Variants in ZC3H3 observed in about 807,000 individuals in gnomAD.
ZC3H3 encodes zinc finger CCCH domain-containing protein 3.
ZC3H3 carries 36 observed loss-of-function variants against 77.3 expected under a neutral mutation model. That is an observed-to-expected ratio of 0.47 (90% CI 0.36 to 0.61). The LOEUF (loss-of-function observed/expected upper bound fraction) is 0.61. Among genes scored for constraint, ZC3H3 ranks in the 20% least tolerant of loss-of-function variants. The pLI, the probability that ZC3H3 is intolerant of heterozygous loss-of-function variation, is 0.00. For synonymous variants in ZC3H3, 626 were observed against 555.2 expected (o/e 1.13, Z -1.79); for missense variants, 1,331 against 1,312.2 (o/e 1.01, Z -0.22).
rs753500186 is a variant in ZC3H3, at chr8:143,538,347, G to A, written c.1020C>T (p.Ala340=). Reference sequence around the variant, plus strand: ...CCACCTTGTTTGCCATGCCAGCAGAGGCCTTGCACACATTCTCTGCAGCCA... The same window carrying A: ...CCACCTTGTTTGCCATGCCAGCAGAAGCCTTGCACACATTCTCTGCAGCCA... ...PRVAAENVCK[A]SAGMANKVEK... Residue 340 remains alanine, a synonymous_variant, in exon 2 of 12, where the codon GCC becomes GCT. Transcript: ENST00000262577. 4 of 1,612,908 alleles carry A rather than the reference G, an allele frequency of 2.5e-6. No individual in the cohort carries two copies. The African/African-American group carries it at 5.3e-5, about 22-fold the overall frequency.
At chr8:143,456,262 T>C (rs530471837) in intron 9 of ZC3H3, among the ~76,000 whole-genome samples, 2 of 152,130 alleles carry the variant, frequency 1.3e-5, no homozygotes, top group African/African-American at 2.4e-5. Flanking sequence ...AAAGAACTAA[T>C]AGAAAACAAA....
At chr8:143,439,864 CCA>C (rs1308868459) in intron 11 of ZC3H3, among the ~76,000 whole-genome samples, 175 bp downstream of exon 11, 3 of 115,314 alleles carry the variant, frequency 2.6e-5, no homozygotes, top group Non-Finnish European at 4.0e-5. Context: ...CTGAGCCAGG[CCA>C]TGCTGCCTAC....
Position 143,465,761 on chromosome 8 carries a change from C to T in ZC3H3, c.2263G>A (p.Val755Ile). The T allele has an allele frequency of 6.2e-7, 1 of 1,613,976 alleles. No individual in the cohort carries two copies. Among genetic ancestry groups the T allele is most frequent in the Non-Finnish European group, 8.5e-7 (1 of 1,180,010 alleles). The change falls in exon 9 of 12, where the codon GTC becomes ATC. Residue 755 changes from valine (V) to isoleucine (I), a missense_variant. Transcript: ENST00000262577. ...TAGCCTTTGAGGAAGTCGCTGCAGA[C>T]CTCGGCCTTGCGGGACACGTACACG... is the stretch of plus-strand genomic sequence containing the variant. ...SHVYVSRKAE[V>I]CSDFLKGYCP...
In ZC3H3 at chr8:143,468,280, T is replaced by A; in HGVS notation, c.2106-2A>T. The A allele has an allele frequency of 6.2e-7, 1 of 1,612,988 alleles. No individual in the cohort carries two copies. The highest frequency in any genetic ancestry group is 8.5e-7 in the Non-Finnish European group (1 of 1,179,908). On this transcript the variant is annotated splice_acceptor_variant, in intron 7 of 11. Coordinates refer to ENST00000262577, the MANE Select transcript of ZC3H3 (RefSeq NM_015117.3). LOFTEE classifies it high-confidence loss of function. Reference sequence around the variant, plus strand: ...TTCTTGCAGGTGCCCCGGACAAACCTGCAGCACCAGGAGAAACGGGTATGA... The same window carrying A: ...TTCTTGCAGGTGCCCCGGACAAACCAGCAGCACCAGGAGAAACGGGTATGA...
rs768548825 is a variant in ZC3H3, at chr8:143,530,109, C to T, written c.1561+6148G>A. Reference sequence around the variant, plus strand: ...AAGCTCTGGGCCAGAGGCAGATGCCCGGCCTGGCTCCTGTCAAAGCCTGGG... The same window carrying T: ...AAGCTCTGGGCCAGAGGCAGATGCCTGGCCTGGCTCCTGTCAAAGCCTGGG... On this transcript the variant is annotated intron_variant, in intron 3 of 11. Coordinates refer to ENST00000262577, the MANE Select transcript of ZC3H3 (RefSeq NM_015117.3). The surrounding 1 kb of genome is among the most constrained non-coding windows in gnomAD (Gnocchi z 4.3). Among the ~76,000 whole-genome samples the T allele has an allele frequency of 3.9e-5, 6 of 152,196 alleles. No individual in the cohort carries two copies. Among genetic ancestry groups the T allele is most frequent in the Admixed American group, 2.0e-4 (3 of 15,282 alleles).
intron 9 of ZC3H3, among the ~76,000 whole-genome samples, chr8:143,461,174 G>T (rs1820252397): frequency 6.6e-6 from 1 of 152,168 alleles, no homozygotes; most frequent in East Asian, 1.9e-4. Context: ...ACTAAAATGG[G>T]TGAATTATGT....
chr8:143,461,577 T>C (rs946811358), intron 9 of ZC3H3, among the ~76,000 whole-genome samples: 3 of 152,026 alleles, frequency 2.0e-5, no homozygotes, highest in African/African-American at 7.3e-5. Flanking sequence ...GCAGTATTAT[T>C]CACGACAGCC....
At chr8:143,517,262 C>T (rs1312183148) in intron 3 of ZC3H3, among the ~76,000 whole-genome samples, 1 of 152,220 alleles carries the variant, frequency 6.6e-6, no homozygotes, top group African/African-American at 2.4e-5. Context: ...GGCTTCCTCC[C>T]CTCTTCCCCA....
At chr8:143,449,930 C>T (rs1819948273) in intron 9 of ZC3H3, among the ~76,000 whole-genome samples, 1 of 152,196 alleles carries the variant, frequency 6.6e-6, no homozygotes, top group Admixed American at 6.5e-5. Context: ...ACCTCCTCAG[C>T]CTGGACTTCA....
In ZC3H3 at chr8:143,440,993, G is replaced by A. The variant is rs765197889; in HGVS notation, c.2435C>T (p.Ala812Val). The change falls in exon 10 of 12, where the codon GCC (alanine) becomes GTC (valine). Residue 812 changes from alanine (A) to valine (V), a missense_variant. Around this residue, in one of 3 missense-constraint regions of ZC3H3, gnomAD observed 249 missense variants for 236.9 expected, o/e 1.05. Transcript: ENST00000262577. ...GGCGGTTGCGTCGCTGGGCCCTGGG[G>A]CGGGGGACGTGGCTGCCCGCCGACT... ...RHSRRAATSP[A>V]PGPSDATARS... 2.0e-6 allele frequency: 3 copies of A among 1,469,374 alleles called. No homozygotes were observed. The highest frequency in any genetic ancestry group is 5.4e-5 in the East Asian group (2 of 36,866). 91.0% of individuals were successfully genotyped at this position (1,469,374 alleles called of 1,614,324 possible).
chr8:143,480,335 C>T (rs1231335581), intron 4 of ZC3H3, among the ~76,000 whole-genome samples: 2 of 152,224 alleles, frequency 1.3e-5, no homozygotes, highest in Non-Finnish European at 2.9e-5. Context: ...TGGGCCACTG[C>T]TGCCAAGTGG....
At chr8:143,513,806 G>A (rs1451381422) in intron 3 of ZC3H3, among the ~76,000 whole-genome samples, 1 of 152,214 alleles carries the variant, frequency 6.6e-6, no homozygotes, top group Non-Finnish European at 1.5e-5. Context: ...GGCCTAGTCC[G>A]AGGCACCTCC....
intron 4 of ZC3H3, among the ~76,000 whole-genome samples, chr8:143,482,866 C>T (rs572045576): frequency 1.4e-4 from 22 of 152,306 alleles, no homozygotes; most frequent in African/African-American, 4.8e-4. Flanking sequence ...GGTCTTGGCC[C>T]GGCCCTAGCA....
intron 3 of ZC3H3, among the ~76,000 whole-genome samples, chr8:143,529,786 G>A (rs1822543071): frequency 6.6e-6 from 1 of 152,212 alleles, no homozygotes; most frequent in Non-Finnish European, 1.5e-5. Flanking sequence ...CCTGGTGGCA[G>A]GGAGGGGCTG....
intron 9 of ZC3H3, among the ~76,000 whole-genome samples, chr8:143,455,822 A>G (rs1366374409): frequency 6.6e-6 from 1 of 151,718 alleles, no homozygotes; most frequent in Non-Finnish European, 1.5e-5. Context: ...AAAACATAAA[A>G]ATTAGTCAGG....
chr8:143,467,098 AGG>A (rs1563843059), intron 8 of ZC3H3, among the ~76,000 whole-genome samples: 1 of 151,552 alleles, frequency 6.6e-6, no homozygotes, highest in Admixed American at 6.6e-5. Flanking sequence ...GCAGCCGCAG[AGG>A]GGAGAGGGGC....
In ZC3H3 at chr8:143,539,186, C is replaced by T. The variant is rs201808943; in HGVS notation, c.181G>A (p.Gly61Ser). The T allele has an allele frequency of 9.9e-6, 16 of 1,612,922 alleles. No individual in the cohort carries two copies. Among genetic ancestry groups the T allele is most frequent in the Non-Finnish European group, 1.4e-5 (16 of 1,180,010 alleles). The change falls in exon 2 of 12, where the codon GGC (glycine) becomes AGC (serine). Residue 61 changes from glycine to serine, a missense_variant. Physicochemically the swap from Gly to Ser is moderately conservative, Grantham distance 56 (BLOSUM62 0). Around this residue, in one of 3 missense-constraint regions of ZC3H3, gnomAD observed 978 missense variants for 915.5 expected, o/e 1.07. Transcript: ENST00000262577. ...SARYPRPSRRGYSSHHGPSWR... is the reference protein window; with the variant it reads ...SARYPRPSRRSYSSHHGPSWR... The stretch of plus-strand genomic sequence containing the variant: ...GAAGGCCCATGGTGGGAAGAGTAGC[C>T]CCTCCGGCTTGGACGAGGGTAGCGG...
chr8:143,468,788 A>C, intron 5 of ZC3H3, 129 bp from the exon 6 acceptor site: 4 of 1,259,876 alleles, frequency 3.2e-6, no homozygotes, highest in Non-Finnish European at 4.3e-6. Context: ...CCCCTCCAGG[A>C]AACTGCCCAG....
chr8:143,510,368 C>T (rs749578224), intron 3 of ZC3H3, among the ~76,000 whole-genome samples: 4 of 152,366 alleles, frequency 2.6e-5, no homozygotes, highest in East Asian at 3.9e-4. Context: ...GTGTCCCCCA[C>T]GGCCTGGCCC....
Sources: allele counts gnomAD v4.1 joint callset (sites outside exome capture counted in the v4.1 genomes callset), GRCh38; gene constraint gnomAD v4.1.1; regional missense constraint gnomAD v4.1.1; non-coding constraint Gnocchi (gnomAD v3.1); transcripts MANE v1.5; gene names NCBI Gene and HGNC (gene_info 2026-07-23, HGNC 2026-07-21).